GALNT10: variants seen among roughly 807,000 people sequenced by gnomAD.
GALNT10 encodes the protein polypeptide N-acetylgalactosaminyltransferase 10.
Under a neutral mutation model 75.0 loss-of-function variants are expected in GALNT10, and 41 were observed. That is an observed-to-expected ratio of 0.55 (90% CI 0.43 to 0.71). The LOEUF (loss-of-function observed/expected upper bound fraction) is 0.71. GALNT10 is among the 30% of genes least tolerant of loss of function. GALNT10 has a pLI of 0.00. For missense variants in GALNT10, 727 were observed against 818.5 expected (o/e 0.89, Z 1.36); for synonymous variants, 302 against 313.0 (o/e 0.96, Z 0.37).
At chr5:154,406,740 T>C (rs773849319) in intron 8 of GALNT10, among the ~76,000 whole-genome samples, 7 of 152,088 alleles carry the variant, frequency 4.6e-5, no homozygotes, top group Non-Finnish European at 1.0e-4. Context: ...GAAGTTGCAG[T>C]GAGCCGAGAC....
chr5:154,364,087 C>T (rs774844177), intron 4 of GALNT10, among the ~76,000 whole-genome samples: 6 of 152,234 alleles, frequency 3.9e-5, no homozygotes, highest in Non-Finnish European at 7.4e-5. Flanking sequence ...GAGCACTTTG[C>T]GCTGAGCCTG....
chr5:154,372,525 A>G (rs578111587), intron 4 of GALNT10, among the ~76,000 whole-genome samples: 1 of 152,232 alleles, frequency 6.6e-6, no homozygotes, highest in Non-Finnish European at 1.5e-5. Context: ...ATGCCAGGAA[A>G]TATCAGCAAG....
At chr5:154,334,860 C>T (rs12523339) in intron 4 of GALNT10, among the ~76,000 whole-genome samples, 33,837 of 152,070 alleles carry the variant, frequency 0.22, 4,118 homozygotes, top group African/African-American at 0.33. Context: ...TGGTAGTGAG[C>T]TCACCTCACC....
At chr5:154,191,964 G>C (rs1051254109) in intron 1 of GALNT10, among the ~76,000 whole-genome samples, 1 of 152,236 alleles carries the variant, frequency 6.6e-6, no homozygotes, top group Non-Finnish European at 1.5e-5. Context: ...CCTCATAGCA[G>C]AAGCTCTGTC....
intron 1 of GALNT10, among the ~76,000 whole-genome samples, chr5:154,225,094 T>C (rs11750020): frequency 0.043 from 6,531 of 150,942 alleles, 196 homozygotes; most frequent in Non-Finnish European, 0.062. Flanking sequence ...TTTGGGGTTT[T>C]TTTGTTTGTT....
chr5:154,335,776 C>T (rs1343525253), intron 4 of GALNT10, among the ~76,000 whole-genome samples: 1 of 152,176 alleles, frequency 6.6e-6, no homozygotes, highest in African/African-American at 2.4e-5. Flanking sequence ...GTCAAAATCC[C>T]ATACCATAGT....
At chr5:154,260,067 A>G (rs1021299841) in intron 1 of GALNT10, among the ~76,000 whole-genome samples, 7 of 152,206 alleles carry the variant, frequency 4.6e-5, no homozygotes, top group African/African-American at 1.7e-4. Flanking sequence ...GGAGGGAAAT[A>G]CACTTGTGGA....
At chr5:154,353,510 T>C (rs1755242591) in intron 4 of GALNT10, among the ~76,000 whole-genome samples, 1 of 152,154 alleles carries the variant, frequency 6.6e-6, no homozygotes, top group African/African-American at 2.4e-5. Flanking sequence ...GCAACGTCCC[T>C]CAGGCGCATT....
chr5:154,329,318 A>G (rs1315821489), intron 3 of GALNT10: 2 of 460,956 alleles, frequency 4.3e-6, no homozygotes, highest in African/African-American at 1.9e-5. Context: ...AGTCCTCCAC[A>G]TGAAATCACA....
intron 3 of GALNT10, among the ~76,000 whole-genome samples, chr5:154,320,019 T>C (rs557313244): frequency 1.3e-5 from 2 of 152,348 alleles, no homozygotes; most frequent in South Asian, 4.1e-4. Flanking sequence ...GGTACCCTGC[T>C]GGATACTGGA....
At chr5:154,371,498 G>A (rs1039584802) in intron 4 of GALNT10, among the ~76,000 whole-genome samples, 2 of 115,224 alleles carry the variant, frequency 1.7e-5, no homozygotes, top group African/African-American at 2.9e-5. Flanking sequence ...TCCACTTTAA[G>A]ACAGGAATCA....
At chr5:154,378,792 G>A (rs1248490232) in intron 5 of GALNT10, among the ~76,000 whole-genome samples, 2 of 152,192 alleles carry the variant, frequency 1.3e-5, no homozygotes, top group East Asian at 1.9e-4. Context: ...ACTGCCTTCC[G>A]AAGCTACCTT....
intron 3 of GALNT10, among the ~76,000 whole-genome samples, chr5:154,319,228 A>T (rs1421372408): frequency 6.6e-6 from 1 of 152,206 alleles, no homozygotes; most frequent in East Asian, 1.9e-4. Flanking sequence ...GACACAGAAG[A>T]GTCTGTGTGC....
At chr5:154,282,469 A>G (rs1545473) in intron 1 of GALNT10, among the ~76,000 whole-genome samples, 81,105 of 152,060 alleles carry the variant, frequency 0.53, 23,176 homozygotes, top group East Asian at 0.77. Flanking sequence ...TCATATTCCC[A>G]GCTAAAATTC....
rs527564315 is a variant in GALNT10, at chr5:154,195,172, A to G, written c.159+4147A>G. ...TACCTTGTCCACAGTCAGCTCTTAC[A>G]CAGAGATGGCATCAGGATCTCCTCA... is the stretch of plus-strand genomic sequence containing the variant. On this transcript the variant is annotated intron_variant, in intron 1 of 11. Coordinates refer to ENST00000297107, the MANE Select transcript of GALNT10 (RefSeq NM_198321.4). Among the ~76,000 whole-genome samples, 15 of 152,344 alleles carry G rather than the reference A, an allele frequency of 9.8e-5. No homozygotes were observed. In the South Asian group the frequency reaches 2.9e-3, roughly 29 times the overall value.
chr5:154,377,672 G>T (rs1319856731), intron 5 of GALNT10, among the ~76,000 whole-genome samples: 1 of 152,150 alleles, frequency 6.6e-6, no homozygotes, highest in African/African-American at 2.4e-5. Context: ...CACACAGAAA[G>T]ATAATCCCGC....
At chr5:154,364,504 G>C (rs926316999) in intron 4 of GALNT10, among the ~76,000 whole-genome samples, 3 of 152,102 alleles carry the variant, frequency 2.0e-5, no homozygotes, top group Non-Finnish European at 2.9e-5. Flanking sequence ...ATTGGGTTGG[G>C]GTGTTTTGCA....
chr5:154,316,168 A>G (rs1381632874), intron 3 of GALNT10, among the ~76,000 whole-genome samples: 2 of 152,180 alleles, frequency 1.3e-5, no homozygotes, highest in African/African-American at 4.8e-5. Flanking sequence ...TCAGCCCCCC[A>G]TGGACTTGCC....
At chr5:154,337,152 C>G (rs1017421030) in intron 4 of GALNT10, among the ~76,000 whole-genome samples, 1 of 152,112 alleles carries the variant, frequency 6.6e-6, no homozygotes, top group Non-Finnish European at 1.5e-5. Context: ...TATTCAGCGT[C>G]ATGATCAGAC....
Sources: allele counts gnomAD v4.1 joint callset (sites outside exome capture counted in the v4.1 genomes callset), GRCh38; gene constraint gnomAD v4.1.1; transcripts MANE v1.5; gene names NCBI Gene and HGNC (gene_info 2026-07-23, HGNC 2026-07-21).